Variants in ITIH3 observed in about 807,000 individuals in gnomAD.
ITIH3 encodes the protein inter-alpha-trypsin inhibitor heavy chain H3.
A neutral mutation model predicts 96.5 loss-of-function variants in ITIH3; 81 were observed. The ratio of observed to expected loss-of-function variants is 0.84; its 90% CI spans 0.70 to 1.01. ITIH3 has a LOEUF of 1.01. Among genes scored for constraint, ITIH3 ranks in the 50% least tolerant of loss-of-function variants. The pLI, the probability that ITIH3 is intolerant of heterozygous loss-of-function variation, is 0.00. For synonymous variants in ITIH3, 422 were observed against 445.2 expected (o/e 0.95, Z 0.66); for missense variants, 1,057 against 1,139.3 (o/e 0.93, Z 1.04).
Position 52,808,656 on chromosome 3 carries a change from A to G in ITIH3, c.2648A>G (p.Asp883Gly). Reference sequence around the variant, plus strand: ...GGGCTGATTGATGGTGTCCACACTGACTACATTGTCCCCAACCTGTTTTGA... The same window carrying G: ...GGGCTGATTGATGGTGTCCACACTGGCTACATTGTCCCCAACCTGTTTTGA... Reference protein sequence around the residue: ...GEGLIDGVHTDYIVPNLF With the variant: ...GEGLIDGVHTGYIVPNLF The change falls in exon 22 of 22, where the codon GAC becomes GGC. Residue 883 changes from aspartate to glycine, a missense_variant. Transcript: ENST00000449956. The G allele has an allele frequency of 6.2e-7, 1 of 1,613,162 alleles. No homozygotes were observed.
At chr3:52,798,043 G>A (rs1244994947) in intron 6 of ITIH3, 113 bp downstream of exon 6, 6 of 665,980 alleles carry the variant, frequency 9.0e-6, no homozygotes, top group South Asian at 1.9e-5. Flanking sequence ...TGTTGGGGTG[G>A]GGCTGGGGAT....
chr3:52,799,351 G>A (rs1361366816), intron 7 of ITIH3, 21 bp from the exon 8 acceptor site: 2 of 1,548,478 alleles, frequency 1.3e-6, no homozygotes, highest in South Asian at 1.2e-5. Context: ...ACCGGCCTCC[G>A]TCCCTCTCCC....
At chr3:52,801,254 C>A in intron 11 of ITIH3, 108 bp downstream of exon 11, 2 of 965,792 alleles carry the variant, frequency 2.1e-6, no homozygotes, top group African/African-American at 1.7e-5. Context: ...CGTCTTGGGT[C>A]AAAATCCACC....
Position 52,806,252 on chromosome 3 carries a change from A to G in ITIH3, c.1943-41A>G, listed in dbSNP as rs768719034. On this transcript the variant is annotated intron_variant, in intron 17 of 21. Coordinates refer to ENST00000449956, the MANE Select transcript of ITIH3 (RefSeq NM_002217.4). ...GCTGGGGGAGGCCCCAGGTATGATG[A>G]GAGGCCCCGGGAGTCAGCTCCTTCT... The G allele has an allele frequency of 1.9e-6, 3 of 1,603,194 alleles. No homozygotes were observed. The East Asian group carries it at 6.7e-5, about 36-fold the overall frequency.
chr3:52,798,627 G>A (rs1699687647), intron 6 of ITIH3: 1 of 293,176 alleles, frequency 3.4e-6, no homozygotes, highest in Admixed American at 4.5e-5. Context: ...TGAGCTCCAA[G>A]GTAGCCTGGG....
In ITIH3 at chr3:52,795,020, T is replaced by TA. The variant is rs1476109447; in HGVS notation, c.93+125dup. On this transcript the variant is annotated intron_variant, in intron 1 of 21. Transcript: ENST00000449956. The stretch of plus-strand genomic sequence containing the variant: ...GGGCTGGGCACTGAGCTGCTGGGAG[T>TA]AGTGTGGACACTGGGAGAACCGGGC... 5 of 776,176 alleles carry TA rather than the reference T, an allele frequency of 6.4e-6. No homozygotes were observed. In the East Asian group the frequency reaches 1.3e-4, roughly 19 times the overall value. 48.1% of individuals were successfully genotyped at this position (776,176 alleles called of 1,614,324 possible).
At position 52,807,070 on chromosome 3, in the gene ITIH3, C is replaced by G; in HGVS notation, c.2226C>G (p.Phe742Leu). Residue 742 changes from phenylalanine (F) to leucine (L), a missense_variant, in exon 19 of 22, where the codon TTC becomes TTG. Coordinates refer to ENST00000449956, the MANE Select transcript of ITIH3 (RefSeq NM_002217.4). ...GGAACAGGGCCGTGCCGAGCACTTT[C>G]AGCTGGCTGGACACAGTCACAGTCA... Reference protein sequence around the residue: ...TLWNRAVPSTFSWLDTVTVTQ... With the variant: ...TLWNRAVPSTLSWLDTVTVTQ... 2 of 1,597,490 alleles carry G rather than the reference C, an allele frequency of 1.3e-6. No individual in the cohort carries two copies. The highest frequency in any genetic ancestry group is 1.7e-6 in the Non-Finnish European group (2 of 1,172,280).
At chr3:52,801,286 A>G in intron 11 of ITIH3, 140 bp downstream of exon 11, 2 of 728,750 alleles carry the variant, frequency 2.7e-6, no homozygotes, top group Non-Finnish European at 4.2e-6. Context: ...CTTACCCATC[A>G]GTAAAGATTC....
intron 2 of ITIH3, 106 bp downstream of exon 2, chr3:52,795,729 G>C: frequency 8.9e-7 from 1 of 1,121,650 alleles, no homozygotes; most frequent in Non-Finnish European, 1.3e-6. Flanking sequence ...CTCACAGCTG[G>C]CAAACAGCTT....
At chr3:52,800,342 T>C (rs1699775185) in intron 9 of ITIH3, 196 bp from the exon 10 acceptor site, 1 of 628,216 alleles carries the variant, frequency 1.6e-6, no homozygotes, top group East Asian at 2.9e-5. Flanking sequence ...TTCATCCCCA[T>C]TTGAAAGTGG....
At chr3:52,807,645 G>C (rs1300326165) in intron 19 of ITIH3, 102 bp from the exon 20 acceptor site, 2 of 1,067,434 alleles carry the variant, frequency 1.9e-6, no homozygotes, top group Non-Finnish European at 2.7e-6. Flanking sequence ...GTGGGCCCTC[G>C]GGTGCCATGT....
chr3:52,795,282 G>A (rs768062298), intron 1 of ITIH3, among the ~76,000 whole-genome samples: 33 of 152,148 alleles, frequency 2.2e-4, no homozygotes, highest in Non-Finnish European at 4.0e-4. Context: ...GGGCCTGGGG[G>A]CCAGGGAAAG....
In ITIH3 at chr3:52,802,690, A is replaced by C; in HGVS notation, c.1593A>C (p.Thr531=). ...GHGATNDLTF[T]EEVDMKEMEK... is the part of the protein sequence containing the mutation. The stretch of plus-strand genomic sequence containing the variant: ...AGGCCACCAACGACCTGACCTTCAC[A>C]GAGGAGGTGGACATGAAGGAGATGG... Residue 531 remains threonine (T), a synonymous_variant, in exon 13 of 22, where the codon ACA becomes ACC. Coordinates refer to ENST00000449956, the MANE Select transcript of ITIH3 (RefSeq NM_002217.4). 1 of 1,613,884 alleles carries C rather than the reference A, an allele frequency of 6.2e-7. No homozygotes were observed. Among genetic ancestry groups the C allele is most frequent in the Non-Finnish European group, 8.5e-7 (1 of 1,179,856 alleles).
Position 52,800,569 on chromosome 3 carries a change from C to G in ITIH3, c.1107C>G (p.Gly369=). ...MTNINDGLLR[G]ISMLNKAREE... is the part of the protein sequence containing the mutation. ...ACATCAATGACGGGCTGCTGAGGGGCATCAGTATGCTGAACAAGGCCCGAG... is the reference window on the plus strand; with the variant it reads ...ACATCAATGACGGGCTGCTGAGGGGGATCAGTATGCTGAACAAGGCCCGAG... The change falls in exon 10 of 22, where the codon GGC becomes GGG. Residue 369 remains glycine, a synonymous_variant. Coordinates refer to ENST00000449956, the MANE Select transcript of ITIH3 (RefSeq NM_002217.4). 6.4e-7 allele frequency: 1 copy of G among 1,560,678 alleles called. No homozygotes were observed. The highest frequency in any genetic ancestry group is 8.7e-7 in the Non-Finnish European group (1 of 1,152,000).
chr3:52,805,834 T>A lies in ITIH3; in HGVS notation c.1900T>A (p.Tyr634Asn). The change falls in exon 16 of 22, where the codon TAC becomes AAC. Residue 634 changes from tyrosine to asparagine, a missense_variant. Physicochemically the swap from Tyr to Asn is moderately radical, Grantham distance 143. Coordinates refer to ENST00000449956, the MANE Select transcript of ITIH3 (RefSeq NM_002217.4). ...EATPVSPAMSYLTSYQPPQNP... is the reference protein window; with the variant it reads ...EATPVSPAMSNLTSYQPPQNP... ...CACACCGGTGAGCCCCGCCATGTCC[T>A]ACCTGAGTGAGTACATGCTGGCAGC... 6.2e-7 allele frequency: 1 copy of A among 1,613,830 alleles called. No homozygotes were observed. Among genetic ancestry groups the A allele is most frequent in the Non-Finnish European group, 8.5e-7 (1 of 1,179,766 alleles).
chr3:52,808,086 C>A lies in ITIH3; in HGVS notation c.2432-24C>A, dbSNP rs1700121514. On this transcript the variant is annotated intron_variant, in intron 20 of 21. Transcript: ENST00000449956. The stretch of plus-strand genomic sequence containing the variant: ...ACCCGTGGCAATGGCCAGGGGCTGA[C>A]AGCATGAATATTTTTCTTCCCAGGG... 4 of 1,608,972 alleles carry A rather than the reference C, an allele frequency of 2.5e-6. No homozygotes were observed. In the African/African-American group the frequency reaches 4.0e-5, roughly 16 times the overall value.
chr3:52,799,452 C>A lies in ITIH3; in HGVS notation c.870C>A (p.Asp290Glu), dbSNP rs755718326. 6.2e-7 allele frequency: 1 copy of A among 1,612,706 alleles called. No individual in the cohort carries two copies. Reference sequence around the variant, plus strand: ...CTAAGAACGTGGCCTTTGTGATTGACATCAGCGGCTCCATGGCTGGTCGGA... The same window carrying A: ...CTAAGAACGTGGCCTTTGTGATTGAAATCAGCGGCTCCATGGCTGGTCGGA... ...VVPKNVAFVIDISGSMAGRKL... is the reference protein window; with the variant it reads ...VVPKNVAFVIEISGSMAGRKL... Residue 290 changes from aspartate (D) to glutamate (E), a missense_variant, in exon 8 of 22, where the codon GAC (aspartate) becomes GAA (glutamate). Coordinates refer to ENST00000449956, the MANE Select transcript of ITIH3 (RefSeq NM_002217.4).
At chr3:52,796,366 T>G in intron 2 of ITIH3, 115 bp from the exon 3 acceptor site, 1 of 828,034 alleles carries the variant, frequency 1.2e-6, no homozygotes, top group Non-Finnish European at 1.9e-6. Context: ...GGATGAGGGT[T>G]GCGTGCCGGG....
chr3:52,806,166 G>A (rs1342485064), intron 17 of ITIH3, 28 bp downstream of exon 17: 1 of 1,601,530 alleles, frequency 6.2e-7, no homozygotes, highest in African/African-American at 1.3e-5. Context: ...CCTCGGGAAG[G>A]CTCAGGGGCC....
Sources: allele counts gnomAD v4.1 joint callset (sites outside exome capture counted in the v4.1 genomes callset), GRCh38; gene constraint gnomAD v4.1.1; transcripts MANE v1.5; gene names NCBI Gene and HGNC (gene_info 2026-07-23, HGNC 2026-07-21).